The following APBB2 variants were observed in gnomAD, a reference collection of about 807,000 sequenced individuals.
APBB2 encodes the protein amyloid beta precursor protein binding family B member 2.
A neutral mutation model predicts 82.5 loss-of-function variants in APBB2; 38 were observed. The observed-to-expected ratio is 0.46, with a 90% confidence interval of 0.36 to 0.60. APBB2 has a LOEUF of 0.60. APBB2 is among the 20% of genes least tolerant of loss of function. The pLI is 0.00. For missense variants in APBB2, 772 were observed against 972.3 expected, an observed-to-expected ratio of 0.79 and a Z score of 2.74; for synonymous variants, 341 against 368.2, an observed-to-expected ratio of 0.93 and a Z score of 0.85.
chr4:40,901,115 G>A (rs112616623), intron 10 of APBB2, among the ~76,000 whole-genome samples: 9 of 152,104 alleles, frequency 5.9e-5, no homozygotes, highest in East Asian at 1.9e-4. Context: ...ATCTCAGGTC[G>A]GCCACTTATT....
At chr4:40,999,022 C>CGGTGTA (rs1298524800) in intron 6 of APBB2, among the ~76,000 whole-genome samples, 1 of 152,044 alleles carries the variant, frequency 6.6e-6, no homozygotes, top group Non-Finnish European at 1.5e-5. Flanking sequence ...TTTCCAACCT[C>CGGTGTA]GGTGTATTGC....
intron 1 of APBB2, among the ~76,000 whole-genome samples, chr4:41,187,789 T>C (rs1010866448): frequency 1.3e-5 from 2 of 152,244 alleles, no homozygotes; most frequent in South Asian, 2.1e-4. Context: ...CTCAATTCAT[T>C]TATGTGACAT....
intron 4 of APBB2, among the ~76,000 whole-genome samples, chr4:41,039,014 A>T (rs1486917701): frequency 6.6e-6 from 1 of 152,262 alleles, no homozygotes; most frequent in African/African-American, 2.4e-5. Flanking sequence ...CAAAATGCTG[A>T]ACAACTCTTT....
At chr4:40,850,483 A>G (rs1289210726) in intron 12 of APBB2, among the ~76,000 whole-genome samples, 1 of 152,208 alleles carries the variant, frequency 6.6e-6, no homozygotes, top group Non-Finnish European at 1.5e-5. Context: ...TCTTACTTCC[A>G]AGTGACGAAA....
chr4:40,823,119 T>C (rs969642988), intron 16 of APBB2, among the ~76,000 whole-genome samples: 7 of 152,212 alleles, frequency 4.6e-5, no homozygotes, highest in Admixed American at 3.9e-4. Flanking sequence ...TGGATTTAAG[T>C]CCTGATTCCA....
At chr4:40,948,961 T>C (rs1789285178) in intron 6 of APBB2, among the ~76,000 whole-genome samples, 1 of 150,186 alleles carries the variant, frequency 6.7e-6, no homozygotes, top group Non-Finnish European at 1.5e-5. Context: ...ATTTTATCAG[T>C]CAGTGGTTTT....
intron 1 of APBB2, among the ~76,000 whole-genome samples, chr4:41,198,627 C>G: frequency 1.3e-5 from 2 of 152,148 alleles, no homozygotes; most frequent in Admixed American, 1.3e-4. Context: ...CGACTGACTC[C>G]AAAGGCTTGT....
At chr4:40,824,773 G>A (rs747672722) in intron 15 of APBB2, among the ~76,000 whole-genome samples, 1 of 152,076 alleles carries the variant, frequency 6.6e-6, no homozygotes, top group Non-Finnish European at 1.5e-5. Flanking sequence ...TTACAGGTGT[G>A]AGCCACCATG....
chr4:41,183,328 T>A (rs969197830), intron 1 of APBB2, among the ~76,000 whole-genome samples: 2 of 152,202 alleles, frequency 1.3e-5, no homozygotes, highest in Non-Finnish European at 2.9e-5. Context: ...ATCATTCCTC[T>A]GCTCAAAACC....
rs986322322 is a variant in APBB2, at chr4:40,826,599, C to T, written c.1732+533G>A. The T allele has an allele frequency of 1.9e-5, 3 of 156,344 alleles. No individual in the cohort carries two copies. Among genetic ancestry groups the T allele is most frequent in the Non-Finnish European group, 4.2e-5 (3 of 71,074 alleles). 9.7% of individuals were successfully genotyped at this position (156,344 alleles called of 1,614,324 possible). On this transcript the variant is annotated intron_variant, in intron 14 of 17. Coordinates refer to ENST00000508593, the MANE Select transcript of APBB2 (RefSeq NM_004307.2). This position sits in a 1 kb window ranked among gnomAD's most constrained non-coding sequence, Gnocchi z 4.5. ...CAGGCAATCCACCCGCCTCAGCCTC[C>T]CAAAGTGCTGGGATTATAGATGTGA...
At chr4:40,936,315 A>C (rs1785359934) in intron 7 of APBB2, among the ~76,000 whole-genome samples, 2 of 152,218 alleles carry the variant, frequency 1.3e-5, no homozygotes, top group African/African-American at 4.8e-5. Context: ...GCAGTGGCCC[A>C]ATCACAGCTC....
At chr4:41,099,967 T>C (rs536210059) in intron 3 of APBB2, among the ~76,000 whole-genome samples, 1 of 152,318 alleles carries the variant, frequency 6.6e-6, no homozygotes, top group African/African-American at 2.4e-5. Context: ...ATCGACTTTA[T>C]AGATCTGTAA....
intron 1 of APBB2, among the ~76,000 whole-genome samples, chr4:41,173,484 A>C (rs1159444517): frequency 6.6e-6 from 1 of 152,172 alleles, no homozygotes; most frequent in Non-Finnish European, 1.5e-5. Flanking sequence ...CTTAGGCAGA[A>C]AACTATACTT....
chr4:41,042,031 C>T (rs1180780993), intron 4 of APBB2, among the ~76,000 whole-genome samples: 2 of 152,094 alleles, frequency 1.3e-5, no homozygotes, highest in Non-Finnish European at 2.9e-5. Flanking sequence ...CACTCTGTCA[C>T]CCAGGCTGGA....
chr4:40,907,363 ATATATATATATATATATTTT>A (rs1363189249), intron 10 of APBB2, among the ~76,000 whole-genome samples: 5 of 91,230 alleles, frequency 5.5e-5, no homozygotes, highest in African/African-American at 2.7e-4. Flanking sequence ...ATATATATAT[ATATATATATATATATATTTT>A]TTTTTTTTTT....
Position 41,197,699 on chromosome 4 carries a change from C to T in APBB2, c.-417+16706G>A. Among the ~76,000 whole-genome samples the T allele has an allele frequency of 7.9e-5, 12 of 152,304 alleles. No individual in the cohort carries two copies. In the South Asian group the frequency reaches 2.5e-3, roughly 32 times the overall value. On this transcript the variant is annotated intron_variant, in intron 1 of 17. Transcript: ENST00000508593. ...TGTTGCCTGGCAAACTCCTACTTAA[C>T]CTTCAAAACCCGTCTTAAAACAACT...
At chr4:40,929,590 G>A (rs754368620) in intron 10 of APBB2, among the ~76,000 whole-genome samples, 4 of 152,166 alleles carry the variant, frequency 2.6e-5, no homozygotes, top group South Asian at 2.1e-4. Flanking sequence ...GTGAGCCACC[G>A]CACTGGGCCA....
chr4:41,088,587 C>G (rs748223366), intron 3 of APBB2, among the ~76,000 whole-genome samples: 5 of 152,186 alleles, frequency 3.3e-5, no homozygotes, highest in Admixed American at 6.5e-5. Flanking sequence ...GGAGGAAACC[C>G]TCCCTCTTCC....
At chr4:40,934,351 T>G (rs746473720) in intron 10 of APBB2, 105 bp downstream of exon 10, 92 of 1,119,374 alleles carry the variant, frequency 8.2e-5, no homozygotes, top group Non-Finnish European at 1.2e-4. Context: ...TAATTACTTA[T>G]TAAATGGCTC....
Sources: gnomAD v4.1 joint callset for allele counts (sites outside exome capture counted in the v4.1 genomes callset) on GRCh38, gnomAD v4.1.1 for gene constraint, Gnocchi (gnomAD v3.1) non-coding constraint, MANE v1.5 for transcripts, NCBI Gene and HGNC (gene_info 2026-07-23, HGNC 2026-07-21) for gene names.